Variants in USP4 observed in about 807,000 individuals in gnomAD.
USP4 encodes ubiquitin carboxyl-terminal hydrolase 4.
Under a neutral mutation model 118.2 loss-of-function variants are expected in USP4, and 72 were observed. That is an observed-to-expected ratio of 0.61 (90% CI 0.50 to 0.74). The LOEUF (loss-of-function observed/expected upper bound fraction) is 0.74, where lower values mean the gene tolerates loss of function less well. USP4 is among the 30% of genes least tolerant of loss of function. USP4 has a pLI of 0.00. For synonymous variants in USP4, 415 were observed against 440.4 expected (o/e 0.94, Z 0.72); for missense variants, 1,037 against 1,185.7 (o/e 0.87, Z 1.84).
At chr3:49,312,361 C>A (rs956833363) in intron 6 of USP4, 2 of 397,284 alleles carry the variant, frequency 5.0e-6, no homozygotes, top group South Asian at 3.5e-5. Flanking sequence ...TGGTGGCGGG[C>A]GCCTGTCATC....
chr3:49,286,123 A>C lies in USP4; in HGVS notation c.2175T>G (p.Ala725=). ...AGTTGAGTTTAAGTAGTTTTCCATC[A>C]GCTGCAAGTGAATTTATGTCAGCTG... ...YGTADINSLA[A]DGKLLKLNSR... The change falls in exon 16 of 22, where the codon GCT becomes GCG. Residue 725 remains alanine, a synonymous_variant. Transcript: ENST00000265560. 6.2e-7 allele frequency: 1 copy of C among 1,614,218 alleles called. No homozygotes were observed. Among genetic ancestry groups the C allele is most frequent in the Non-Finnish European group, 8.5e-7 (1 of 1,180,036 alleles).
chr3:49,334,806 C>A (rs1240788884), intron 2 of USP4, among the ~76,000 whole-genome samples: 1 of 152,132 alleles, frequency 6.6e-6, no homozygotes, highest in Non-Finnish European at 1.5e-5. Flanking sequence ...CGTGAGACAC[C>A]ACTCCTGGCA....
At chr3:49,284,748 A>G in intron 17 of USP4, 101 bp downstream of exon 17, 1 of 1,292,722 alleles carries the variant, frequency 7.7e-7, no homozygotes, top group South Asian at 1.3e-5. Context: ...AGTCTTAAAT[A>G]TAACTTGCTA....
At chr3:49,314,220 G>A (rs1559474681) in intron 6 of USP4, among the ~76,000 whole-genome samples, 1 of 152,110 alleles carries the variant, frequency 6.6e-6, no homozygotes, top group Non-Finnish European at 1.5e-5. Context: ...TACCAGCAAT[G>A]GGCACATCAA....
chr3:49,330,640 T>C (rs1319445842), intron 2 of USP4, among the ~76,000 whole-genome samples: 1 of 151,404 alleles, frequency 6.6e-6, no homozygotes, highest in African/African-American at 2.4e-5. Flanking sequence ...AGCAGTAACA[T>C]TTTGATAAGA....
chr3:49,300,398 G>C, intron 11 of USP4, 69 bp downstream of exon 11: 4 of 1,438,168 alleles, frequency 2.8e-6, no homozygotes, highest in Non-Finnish European at 3.9e-6. Flanking sequence ...GCAGCAGATA[G>C]GAGCAGTCCC....
In USP4 at chr3:49,327,810, T is replaced by C. The variant is rs1272714994; in HGVS notation, c.236A>G (p.Glu79Gly). Residue 79 changes from glutamate (E) to glycine (G), a missense_variant, in exon 3 of 22, where the codon GAG becomes GGG. By Grantham distance (98) the Glu-to-Gly change is moderately conservative (BLOSUM62 -2). This residue lies in a region of USP4 where 487 missense variants were observed against 534.1 expected (regional missense o/e 0.91). Transcript: ENST00000265560. Reference protein sequence around the residue: ...IDNSGLFSDPESQTLKEHLID... With the variant: ...IDNSGLFSDPGSQTLKEHLID... The stretch of plus-strand genomic sequence containing the variant: ...TAAGTGTTCTTTCAAGGTCTGACTC[T>C]CAGGATCTAAAAAAGGAAAAGAGCA... The C allele has an allele frequency of 1.2e-6, 2 of 1,613,324 alleles. No individual in the cohort carries two copies. The highest frequency in any genetic ancestry group is 1.7e-6 in the Non-Finnish European group (2 of 1,179,556).
chr3:49,291,569 G>A (rs1422232072), intron 15 of USP4, among the ~76,000 whole-genome samples: 11 of 131,538 alleles, frequency 8.4e-5, no homozygotes, highest in Admixed American at 3.2e-4. Context: ...GCAAGATTCC[G>A]TCTCAAAAAA....
At chr3:49,293,315 C>G (rs1204127693) in intron 14 of USP4, among the ~76,000 whole-genome samples, 1 of 152,048 alleles carries the variant, frequency 6.6e-6, no homozygotes, top group Non-Finnish European at 1.5e-5. Flanking sequence ...GAGTTTGAGA[C>G]TAGCCTGGCC....
chr3:49,311,090 C>A (rs2107787932), intron 7 of USP4, among the ~76,000 whole-genome samples: 1 of 152,322 alleles, frequency 6.6e-6, no homozygotes, highest in South Asian at 2.1e-4. Flanking sequence ...CCTGAAAGTT[C>A]ATGCACACTT....
In USP4 at chr3:49,317,609, T is replaced by G. The variant is rs565682306; in HGVS notation, c.696-5955A>C. ...CAGCCTGGAGTGCAGTGGCGTGATATCGGCTCACTGCATGCTCCGCCTCCT... is the reference window on the plus strand; with the variant it reads ...CAGCCTGGAGTGCAGTGGCGTGATAGCGGCTCACTGCATGCTCCGCCTCCT... On this transcript the variant is annotated intron_variant, in intron 6 of 21. Coordinates refer to ENST00000265560, the MANE Select transcript of USP4 (RefSeq NM_003363.4). 3.9e-4 allele frequency: 227 copies of G among 587,724 alleles called. 1 individual carries two copies. The highest frequency in any genetic ancestry group is 9.4e-4 in the Admixed American group (29 of 30,732). The allele number at this position is 587,724 out of a possible 1,614,324, so 36.4% of individuals were successfully genotyped here. A position where few individuals can be genotyped will look rare whatever the true frequency, so the allele number is the denominator to read the frequency against.
At chr3:49,339,808 T>C (rs954861332) in intron 1 of USP4, 116 bp downstream of exon 1, 2 of 755,606 alleles carry the variant, frequency 2.6e-6, no homozygotes, top group East Asian at 2.6e-5. Flanking sequence ...GTCAGGCTAC[T>C]CTTCCAGGGT....
chr3:49,339,651 C>T (rs545980294), intron 1 of USP4, among the ~76,000 whole-genome samples: 4 of 152,274 alleles, frequency 2.6e-5, no homozygotes, highest in Admixed American at 1.3e-4. Context: ...CCCTTAGGGT[C>T]CCCACCAACC....
chr3:49,325,593 C>T, intron 4 of USP4, 126 bp downstream of exon 4: 1 of 1,420,910 alleles, frequency 7.0e-7, no homozygotes. Context: ...CTGGCAACTA[C>T]AGCTCGAGAT....
In USP4 at chr3:49,311,515, C is replaced by G. The variant is rs780565370; in HGVS notation, c.835G>C (p.Gly279Arg). 6.2e-7 allele frequency: 1 copy of G among 1,613,268 alleles called. No homozygotes were observed. The highest frequency in any genetic ancestry group is 8.5e-7 in the Non-Finnish European group (1 of 1,179,574). Residue 279 changes from glycine to arginine, a missense_variant and splice_region_variant, in exon 7 of 22, where the codon GGT becomes CGT. Coordinates refer to ENST00000265560, the MANE Select transcript of USP4 (RefSeq NM_003363.4). ...CAGAGTGAAAGGACCTGCTCTTACCCCCTGCTGACACCGGAACTGTGCATC... is the reference window on the plus strand; with the variant it reads ...CAGAGTGAAAGGACCTGCTCTTACCGCCTGCTGACACCGGAACTGTGCATC... Reference protein sequence around the residue: ...CGMHSSGVSRGGSGFSASYNC... With the variant: ...CGMHSSGVSRRGSGFSASYNC...
At chr3:49,282,874 A>G (rs1325734630) in intron 19 of USP4, among the ~76,000 whole-genome samples, 3 of 150,282 alleles carry the variant, frequency 2.0e-5, no homozygotes, top group Middle Eastern at 3.3e-3. Context: ...CATCCAGCTA[A>G]TTTTTGTAGT....
intron 12 of USP4, among the ~76,000 whole-genome samples, 159 bp from the exon 13 acceptor site, chr3:49,298,123 C>A (rs1191194056): frequency 1.3e-5 from 2 of 152,212 alleles, no homozygotes; most frequent in African/African-American, 4.8e-5. Flanking sequence ...AGGGCCAAGG[C>A]CCAAGGGGGA....
At position 49,298,652 on chromosome 3, in the gene USP4, G is replaced by T; in HGVS notation, c.1513-17C>A. Reference sequence around the variant, plus strand: ...CACACGGTACTGCAAGACAGAGATGGTCAAGGTCACAGGGGTGCCCCACAA... The same window carrying T: ...CACACGGTACTGCAAGACAGAGATGTTCAAGGTCACAGGGGTGCCCCACAA... On this transcript the variant is annotated splice_polypyrimidine_tract_variant and intron_variant, in intron 11 of 21. Transcript: ENST00000265560. 1 of 1,613,390 alleles carries T rather than the reference G, an allele frequency of 6.2e-7. No individual in the cohort carries two copies. The highest frequency in any genetic ancestry group is 8.5e-7 in the Non-Finnish European group (1 of 1,179,338).
intron 15 of USP4, 82 bp from the exon 16 acceptor site, chr3:49,286,407 T>A (rs934137388): frequency 1.2e-5 from 16 of 1,353,324 alleles, no homozygotes; most frequent in Non-Finnish European, 1.5e-5. Flanking sequence ...ATAACTATGG[T>A]GTTTCCTTCC....
Sources: allele counts gnomAD v4.1 joint callset (sites outside exome capture counted in the v4.1 genomes callset), GRCh38; gene constraint gnomAD v4.1.1; regional missense constraint gnomAD v4.1.1; transcripts MANE v1.5; gene names NCBI Gene and HGNC (gene_info 2026-07-23, HGNC 2026-07-21).